The following FANCC variants were observed in gnomAD, a reference collection of about 807,000 sequenced individuals.
The protein encoded by FANCC is Fanconi anemia group C protein.
FANCC carries 55 observed loss-of-function variants against 71.3 expected under a neutral mutation model. The ratio of observed to expected loss-of-function variants is 0.77; its 90% CI spans 0.62 to 0.97. The LOEUF (loss-of-function observed/expected upper bound fraction) is 0.97, where lower values mean the gene tolerates loss of function less well. Ranked by LOEUF, FANCC falls within the 50% of genes least tolerant of loss-of-function variation. The pLI, the probability that FANCC is intolerant of heterozygous loss-of-function variation, is 0.00. For missense variants in FANCC, 678 were observed against 670.9 expected (o/e 1.01, Z -0.12); for synonymous variants, 275 against 244.9 (o/e 1.12, Z -1.15).
chr9:95,276,169 G>A (rs1037368667), intron 1 of FANCC, among the ~76,000 whole-genome samples: 1 of 152,088 alleles, frequency 6.6e-6, no homozygotes, highest in Non-Finnish European at 1.5e-5. Context: ...CTCTTCTTGG[G>A]TCTCCTCCTA....
chr9:95,274,770 A>T (rs1401838913), intron 1 of FANCC, among the ~76,000 whole-genome samples: 1 of 152,188 alleles, frequency 6.6e-6, no homozygotes, highest in Non-Finnish European at 1.5e-5. Context: ...AAATTAGCAG[A>T]CCATCAAGGA....
intron 4 of FANCC, among the ~76,000 whole-genome samples, chr9:95,223,018 T>C (rs1484117609): frequency 6.6e-6 from 1 of 152,232 alleles, no homozygotes; most frequent in Non-Finnish European, 1.5e-5. Context: ...TTATAAAAAA[T>C]ATTACAATAA....
At chr9:95,300,419 C>A (rs1054533115) in intron 1 of FANCC, among the ~76,000 whole-genome samples, 11 of 148,780 alleles carry the variant, frequency 7.4e-5, no homozygotes, top group Admixed American at 6.7e-4. Flanking sequence ...CAGGTGATAA[C>A]CAAGAAAAAG....
intron 8 of FANCC, among the ~76,000 whole-genome samples, chr9:95,127,627 G>A (rs1826203623): frequency 6.6e-6 from 1 of 152,214 alleles, no homozygotes; most frequent in Admixed American, 6.5e-5. Context: ...GCATTCACAT[G>A]TTAGTGGATC....
chr9:95,111,598 A>C lies in FANCC; in HGVS notation c.1194T>G (p.Ile398Met), dbSNP rs752274299. ...CCATCTCAGCCCATCCTCCGAAGTG[A>C]ATGAACAGGAACCAGCTCTCAAAGG... The part of the protein sequence containing the change: ...GGPFESWFLF[I>M]HFGGWAEMVA... The change falls in exon 13 of 15, where the codon ATT becomes ATG. Residue 398 changes from isoleucine to methionine, a missense_variant. Transcript: ENST00000289081. The C allele has an allele frequency of 6.2e-7, 1 of 1,614,148 alleles. No homozygotes were observed. The highest frequency in any genetic ancestry group is 8.5e-7 in the Non-Finnish European group (1 of 1,180,022).
intron 1 of FANCC, among the ~76,000 whole-genome samples, chr9:95,252,476 G>A (rs973239195): frequency 2.0e-5 from 3 of 151,956 alleles, no homozygotes; most frequent in South Asian, 2.1e-4. Flanking sequence ...GCTGGGCGCC[G>A]TGGCTCACGC....
chr9:95,168,752 C>G (rs1463132198), intron 6 of FANCC, among the ~76,000 whole-genome samples: 2 of 152,200 alleles, frequency 1.3e-5, no homozygotes, highest in African/African-American at 4.8e-5. Context: ...TCGTCTTGAA[C>G]TCCTGAAATC....
At chr9:95,248,321 C>CTTT (rs1831122218) in intron 2 of FANCC, among the ~76,000 whole-genome samples, 1 of 152,138 alleles carries the variant, frequency 6.6e-6, no homozygotes, top group Admixed American at 6.5e-5. Context: ...TGGTCCTACA[C>CTTT]TTTTTGGGAC....
intron 4 of FANCC, among the ~76,000 whole-genome samples, chr9:95,194,799 T>C (rs1827322413): frequency 6.6e-6 from 1 of 152,238 alleles, no homozygotes; most frequent in Admixed American, 6.5e-5. Context: ...TCTGCCATTG[T>C]CCTTCACGTG....
At chr9:95,218,069 C>T (rs952260567) in intron 4 of FANCC, among the ~76,000 whole-genome samples, 1 of 152,078 alleles carries the variant, frequency 6.6e-6, no homozygotes, top group Non-Finnish European at 1.5e-5. Flanking sequence ...TAGAAACTAC[C>T]TATTTTAAAA....
intron 6 of FANCC, among the ~76,000 whole-genome samples, chr9:95,163,504 T>A (rs1489579081): frequency 6.6e-6 from 1 of 152,210 alleles, no homozygotes; most frequent in Non-Finnish European, 1.5e-5. Context: ...GACATTTTGA[T>A]AGAAATAACA....
chr9:95,172,965 A>G (rs1180044209), intron 4 of FANCC, among the ~76,000 whole-genome samples: 1 of 152,238 alleles, frequency 6.6e-6, no homozygotes, highest in East Asian at 1.9e-4. Context: ...AACAACAAAC[A>G]GTACAGATTC....
chr9:95,293,441 T>G, intron 1 of FANCC: 1 of 1,572,694 alleles, frequency 6.4e-7, no homozygotes, highest in Non-Finnish European at 8.6e-7. Context: ...AGAGCCTACT[T>G]CTTTTCTAAA....
intron 1 of FANCC, among the ~76,000 whole-genome samples, chr9:95,301,341 T>C (rs1042189861): frequency 2.0e-5 from 3 of 152,200 alleles, no homozygotes; most frequent in African/African-American, 7.2e-5. Flanking sequence ...AACATTTTTG[T>C]ACAAAATATT....
chr9:95,117,461 C>CTGAG, intron 10 of FANCC, 71 bp from the exon 11 acceptor site: 1 of 1,269,562 alleles, frequency 7.9e-7, no homozygotes, highest in Non-Finnish European at 1.1e-6. Context: ...ATACAAAACT[C>CTGAG]TGAGTCCTCT....
At chr9:95,309,837 G>A (rs1835280309) in intron 1 of FANCC, among the ~76,000 whole-genome samples, 1 of 152,132 alleles carries the variant, frequency 6.6e-6, no homozygotes, top group African/African-American at 2.4e-5. Flanking sequence ...CATGACAGGT[G>A]CTCAGACATC....
chr9:95,210,897 A>T (rs1476582963), intron 4 of FANCC, among the ~76,000 whole-genome samples: 3 of 152,192 alleles, frequency 2.0e-5, no homozygotes, highest in Non-Finnish European at 2.9e-5. Context: ...AGGTTACAAT[A>T]GATCTTTGTA....
intron 4 of FANCC, among the ~76,000 whole-genome samples, chr9:95,232,715 G>T (rs1830083412): frequency 6.6e-6 from 1 of 152,114 alleles, no homozygotes; most frequent in Non-Finnish European, 1.5e-5. Flanking sequence ...AGAAATTCGA[G>T]CATTTATGCC....
chr9:95,101,590 C>A lies in FANCC; in HGVS notation c.*117G>T, dbSNP rs1026925048. ...TGTCCCAAGATGTGTACAGCTCATTCTCACAGCCCAGCGAGGGCACTTACT... is the reference window on the plus strand; with the variant it reads ...TGTCCCAAGATGTGTACAGCTCATTATCACAGCCCAGCGAGGGCACTTACT... On this transcript the variant is annotated 3_prime_UTR_variant, in exon 15 of 15. Coordinates refer to ENST00000289081, the MANE Select transcript of FANCC (RefSeq NM_000136.3). 1.6e-6 allele frequency: 2 copies of A among 1,271,530 alleles called. No homozygotes were observed. Among genetic ancestry groups the A allele is most frequent in the Non-Finnish European group, 2.2e-6 (2 of 898,072 alleles). 78.8% of individuals were successfully genotyped at this position (1,271,530 alleles called of 1,614,324 possible). A position where few individuals can be genotyped will look rare whatever the true frequency, so the allele number is the denominator to read the frequency against.
Sources: gnomAD v4.1 joint callset for allele counts (sites outside exome capture counted in the v4.1 genomes callset) on GRCh38, gnomAD v4.1.1 for gene constraint, MANE v1.5 for transcripts, NCBI Gene and HGNC (gene_info 2026-07-23, HGNC 2026-07-21) for gene names.